Variants in CHD5 observed in about 807,000 individuals in gnomAD.
CHD5 encodes ATP-dependent chromatin remodeler CHD5.
In CHD5, 69 loss-of-function variants were observed where a neutral mutation model predicts 230.3. The observed-to-expected ratio is 0.30, with a 90% CI of 0.25 to 0.37. CHD5 has a LOEUF of 0.37. CHD5 is among the 10% of genes least tolerant of loss of function. The pLI is 1.00. For missense variants in CHD5, 1,827 were observed against 2,622.8 expected, an observed-to-expected ratio of 0.70 and a Z score of 6.63; for synonymous variants, 1,064 against 1,065.9, an observed-to-expected ratio of 1.00 and a Z score of 0.03.
At chr1:6,177,917 T>A (rs1361247830) in intron 1 of CHD5, among the ~76,000 whole-genome samples, 1 of 151,772 alleles carries the variant, frequency 6.6e-6, no homozygotes, top group Non-Finnish European at 1.5e-5. Context: ...GCCATGCGGG[T>A]CGGGATCTGA....
At position 6,180,000 on chromosome 1, in the gene CHD5, C is replaced by T; in HGVS notation, c.24G>A (p.Glu8=). Residue 8 remains glutamate (E), a synonymous_variant, in exon 1 of 42, where the codon GAG becomes GAA. Coordinates refer to ENST00000262450, the MANE Select transcript of CHD5 (RefSeq NM_015557.3). The part of the protein sequence containing the change: MRGPVGT[E]EELPRLFAEE... The stretch of plus-strand genomic sequence containing the variant: ...CGGCGAACAGCCGCGGCAGCTCCTC[C>T]TCGGTGCCCACTGGGCCCCGCATGC... The T allele has an allele frequency of 7.2e-7, 1 of 1,386,784 alleles. No individual in the cohort carries two copies. 85.9% of individuals were successfully genotyped at this position (1,386,784 alleles called of 1,614,324 possible). A position where few individuals can be genotyped will look rare whatever the true frequency, so the allele number is the denominator to read the frequency against.
In CHD5 at chr1:6,129,393, G is replaced by T. The variant is rs12754299; in HGVS notation, c.3388-324C>A. On this transcript the variant is annotated intron_variant, in intron 22 of 41. Coordinates refer to ENST00000262450, the MANE Select transcript of CHD5 (RefSeq NM_015557.3). This position sits in a 1 kb window ranked among gnomAD's most constrained non-coding sequence, Gnocchi z 6.8. The stretch of plus-strand genomic sequence containing the variant: ...TGTAACTGAAGCCACACAGAGCTTC[G>T]TGGGGGCCACGGGGAGGTAGGAGGC... 6.6e-6 allele frequency among the ~76,000 whole-genome samples: 1 copy of T among 152,096 alleles called. No individual in the cohort carries two copies. The highest frequency in any genetic ancestry group is 2.4e-5 in the African/African-American group (1 of 41,422).
chr1:6,179,520 C>G (rs1486156130), intron 1 of CHD5, among the ~76,000 whole-genome samples: 11 of 151,838 alleles, frequency 7.2e-5, no homozygotes, highest in Non-Finnish European at 1.6e-4. Flanking sequence ...GGGGCCGGGT[C>G]CCGCCTGCCC....
rs532906678 is a variant in CHD5, at chr1:6,130,973, A to C, written c.3263-645T>G. Among the ~76,000 whole-genome samples the C allele has an allele frequency of 1.7e-4, 26 of 152,374 alleles. No individual in the cohort carries two copies. The highest frequency in any genetic ancestry group is 6.0e-4 in the African/African-American group (25 of 41,604). ...TTGCTATTCCTCCTGGCTCTCTGGC[A>C]CAAGTGTTTGAGAGGAATCACTGCT... On this transcript the variant is annotated intron_variant, in intron 21 of 41. Coordinates refer to ENST00000262450, the MANE Select transcript of CHD5 (RefSeq NM_015557.3). This position sits in a 1 kb window ranked among gnomAD's most constrained non-coding sequence, Gnocchi z 4.9.
At position 6,134,814 on chromosome 1, in the gene CHD5, G is replaced by T. The variant is rs370687084; in HGVS notation, c.2916C>A (p.Asn972Lys). 6.2e-7 allele frequency: 1 copy of T among 1,614,156 alleles called. No homozygotes were observed. The highest frequency in any genetic ancestry group is 8.5e-7 in the Non-Finnish European group (1 of 1,179,996). ...ATACTTGGTTCCCGCCCCCCTTGGAGTTCAGTGCCTCAAAGTTCCGTGTGA... is the reference window on the plus strand; with the variant it reads ...ATACTTGGTTCCCGCCCCCCTTGGATTTCAGTGCCTCAAAGTTCCGTGTGA... Reference protein sequence around the residue: ...FILTRNFEALNSKGGGNQVSL... With the variant: ...FILTRNFEALKSKGGGNQVSL... The change falls in exon 19 of 42, where the codon AAC (asparagine) becomes AAA (lysine). Residue 972 changes from asparagine to lysine, a missense_variant. This residue lies in a region of CHD5 where 16 missense variants were observed against 18.2 expected (regional missense o/e 0.88). Transcript: ENST00000262450. This position sits in a 1 kb window ranked among gnomAD's most constrained non-coding sequence, Gnocchi z 6.3.
At chr1:6,148,566 G>A (rs1666946701) in intron 9 of CHD5, among the ~76,000 whole-genome samples, 1 of 152,226 alleles carries the variant, frequency 6.6e-6, no homozygotes, top group South Asian at 2.1e-4. Flanking sequence ...AGAGCACGTG[G>A]TCACTGAACA....
At chr1:6,113,272 A>C in intron 33 of CHD5, 1 of 433,858 alleles carries the variant, frequency 2.3e-6, no homozygotes, top group Non-Finnish European at 4.3e-6. Flanking sequence ...AAAATACAAC[A>C]ACTTAGCTGG....
At chr1:6,176,380 T>C (rs1557566975) in intron 1 of CHD5, among the ~76,000 whole-genome samples, 1 of 152,228 alleles carries the variant, frequency 6.6e-6, no homozygotes, top group Non-Finnish European at 1.5e-5. Context: ...TTGCCCATTC[T>C]GGGCTCACTA....
intron 1 of CHD5, among the ~76,000 whole-genome samples, chr1:6,173,004 C>T (rs1019089217): frequency 6.6e-6 from 1 of 151,976 alleles, no homozygotes; most frequent in Non-Finnish European, 1.5e-5. Flanking sequence ...GGAGCTGGGA[C>T]GAGAACACCA....
intron 34 of CHD5, among the ~76,000 whole-genome samples, chr1:6,112,650 C>T (rs992565396): frequency 1.3e-5 from 2 of 152,204 alleles, no homozygotes; most frequent in African/African-American, 2.4e-5. Context: ...AGCCCCAAAT[C>T]CCCCAGGCCA....
At chr1:6,136,018 A>AAAC (rs892399810) in intron 17 of CHD5, among the ~76,000 whole-genome samples, 1 of 117,178 alleles carries the variant, frequency 8.5e-6, no homozygotes, top group African/African-American at 3.0e-5. Context: ...TTTTAATAAA[A>AAAC]AAAAACAACA....
chr1:6,129,189 T>C lies in CHD5; in HGVS notation c.3388-120A>G. ...GCATGACTGTGTAGGGAAAGGCGTG[T>C]GGTGCGTCCAGGTGTGTGGAGCCCA... On this transcript the variant is annotated intron_variant, in intron 22 of 41. Coordinates refer to ENST00000262450, the MANE Select transcript of CHD5 (RefSeq NM_015557.3). This position sits in a 1 kb window ranked among gnomAD's most constrained non-coding sequence, Gnocchi z 6.8. The C allele has an allele frequency of 1.4e-6, 1 of 699,216 alleles. No homozygotes were observed. Among genetic ancestry groups the C allele is most frequent in the South Asian group, 1.7e-5 (1 of 57,258 alleles). 43.3% of individuals were successfully genotyped at this position (699,216 alleles called of 1,614,324 possible). A position where few individuals can be genotyped will look rare whatever the true frequency, so the allele number is the denominator to read the frequency against.
chr1:6,123,990 C>T lies in CHD5; in HGVS notation c.4657G>A (p.Ala1553Thr), dbSNP rs1160075084. 6 of 1,606,958 alleles carry T rather than the reference C, an allele frequency of 3.7e-6. No homozygotes were observed. The African/African-American group carries it at 4.0e-5, about 11-fold the overall frequency. The change falls in exon 31 of 42, where the codon GCC becomes ACC. Residue 1553 changes from alanine to threonine, a missense_variant. Physicochemically the swap from Ala to Thr is moderately conservative, Grantham distance 58 (BLOSUM62 0). Transcript: ENST00000262450. ...GCTGGCAGGAGGTGGGCAGGGCTGGCGGGCACTGGTGTGTTGGGGTCCGAG... is the reference window on the plus strand; with the variant it reads ...GCTGGCAGGAGGTGGGCAGGGCTGGTGGGCACTGGTGTGTTGGGGTCCGAG... ...ISSDPNTPVPASPAHLLPAPL... is the reference protein window; with the variant it reads ...ISSDPNTPVPTSPAHLLPAPL...
At chr1:6,110,195 C>T (rs77521993) in intron 37 of CHD5, among the ~76,000 whole-genome samples, 199 bp downstream of exon 37, 8 of 152,328 alleles carry the variant, frequency 5.3e-5, no homozygotes, top group African/African-American at 1.4e-4. Flanking sequence ...CACCCCAAGG[C>T]GGCAGATACT....
chr1:6,161,512 G>A (rs1460372600), intron 2 of CHD5, among the ~76,000 whole-genome samples: 1 of 152,232 alleles, frequency 6.6e-6, no homozygotes, highest in Non-Finnish European at 1.5e-5. Context: ...CCAGCTGCCA[G>A]GCAGCAGGGC....
intron 33 of CHD5, among the ~76,000 whole-genome samples, chr1:6,117,981 G>A (rs1287675041): frequency 2.6e-5 from 4 of 152,062 alleles, no homozygotes; most frequent in African/African-American, 9.7e-5. Context: ...AAAAAAATGT[G>A]TACACAAATG....
chr1:6,149,401 C>A lies in CHD5; in HGVS notation c.1006G>T (p.Asp336Tyr). Residue 336 changes from aspartate (D) to tyrosine (Y), a missense_variant, in exon 8 of 42, where the codon GAC (aspartate) becomes TAC (tyrosine). Asp to Tyr is a radical substitution (Grantham distance 160, BLOSUM62 -3). Coordinates refer to ENST00000262450, the MANE Select transcript of CHD5 (RefSeq NM_015557.3). ...TCCTGGTGGTCTGTCTCATAGCCGT[C>A]ACCATCATCAACTAGGGTAGGGGAG... The part of the protein sequence containing the change: ...RRKKKRIDDG[D>Y]GYETDHQDYC... 6.2e-7 allele frequency: 1 copy of A among 1,609,008 alleles called. No individual in the cohort carries two copies. Among genetic ancestry groups the A allele is most frequent in the Non-Finnish European group, 8.5e-7 (1 of 1,176,666 alleles).
intron 3 of CHD5, among the ~76,000 whole-genome samples, chr1:6,157,109 T>C (rs531802935): frequency 9.2e-5 from 14 of 152,322 alleles, no homozygotes; most frequent in African/African-American, 3.1e-4. Flanking sequence ...CCCTTCTTCT[T>C]CCTTCCCTGA....
intron 7 of CHD5, 24 bp downstream of exon 7, chr1:6,151,008 A>T: frequency 6.6e-7 from 1 of 1,510,542 alleles, no homozygotes; most frequent in Non-Finnish European, 8.9e-7. Flanking sequence ...GCAGGCCAAG[A>T]ACTCTCTGGA....
Sources: gnomAD v4.1 joint callset for allele counts (sites outside exome capture counted in the v4.1 genomes callset) on GRCh38, gnomAD v4.1.1 for gene constraint, gnomAD v4.1.1 regional missense constraint, Gnocchi (gnomAD v3.1) non-coding constraint, MANE v1.5 for transcripts, NCBI Gene and HGNC (gene_info 2026-07-23, HGNC 2026-07-21) for gene names.